Variants in HEATR1 observed in about 807,000 individuals in gnomAD.
The protein encoded by HEATR1 is HEAT repeat-containing protein 1.
A neutral mutation model predicts 248.2 loss-of-function variants in HEATR1; 77 were observed. That is an observed-to-expected ratio of 0.31 (90% CI 0.26 to 0.37). The LOEUF (loss-of-function observed/expected upper bound fraction) is 0.37, where lower values mean the gene tolerates loss of function less well. HEATR1 is among the 10% of genes least tolerant of loss of function. HEATR1 has a pLI of 1.00. For synonymous variants in HEATR1, 897 were observed against 923.1 expected (o/e 0.97, Z 0.51); for missense variants, 2,420 against 2,504.9 (o/e 0.97, Z 0.72).
chr1:236,590,754 A>G, intron 12 of HEATR1, 93 bp downstream of exon 12: 3 of 490,910 alleles, frequency 6.1e-6, no homozygotes, highest in Non-Finnish European at 1.1e-5. Flanking sequence ...CTGTATCATT[A>G]CCCACTTAGG....
intron 31 of HEATR1, among the ~76,000 whole-genome samples, chr1:236,565,227 C>T (rs535473837): frequency 2.0e-5 from 3 of 152,348 alleles, no homozygotes; most frequent in African/African-American, 4.8e-5. Context: ...ACAGTCTCTG[C>T]GGAGCTCTTA....
rs752673708 is a variant in HEATR1 at position 236,559,779 on chromosome 1, C to T, written c.4705G>A (p.Ala1569Thr). The stretch of plus-strand genomic sequence containing the variant: ...CAGAACTTCACGGTGAGTTTGTCTG[C>T]GTTCCTTTCCATGGACTGTGCAACT... ...SAVAQSMERN[A>T]DKLTVKFWRA... Residue 1569 changes from alanine to threonine, a missense_variant, in exon 34 of 45, where the codon GCA becomes ACA. Coordinates refer to ENST00000366582, the MANE Select transcript of HEATR1 (RefSeq NM_018072.6). 19 of 1,614,060 alleles carry T rather than the reference C, an allele frequency of 1.2e-5. No homozygotes were observed. The highest frequency in any genetic ancestry group is 2.2e-5 in the South Asian group (2 of 91,072).
In HEATR1 at chr1:236,566,694, A is replaced by G; in HGVS notation, c.4260T>C (p.Phe1420=). 1.2e-6 allele frequency: 2 copies of G among 1,614,142 alleles called. No homozygotes were observed. The highest frequency in any genetic ancestry group is 1.7e-6 in the Non-Finnish European group (2 of 1,180,012). Reference sequence around the variant, plus strand: ...GCACTGTTTTTGTGACATACTGTTCAAAAAGCAAGATGAGGAGAATCCAGA... The same window carrying G: ...GCACTGTTTTTGTGACATACTGTTCGAAAAGCAAGATGAGGAGAATCCAGA... ...KFLWILLILL[F]EQYVTKTVLA... Residue 1420 remains phenylalanine, a synonymous_variant, in exon 30 of 45, where the codon TTT becomes TTC. Transcript: ENST00000366582.
chr1:236,602,837 T>C (rs921648833), intron 3 of HEATR1: 1 of 208,760 alleles, frequency 4.8e-6, no homozygotes, highest in African/African-American at 2.3e-5. Flanking sequence ...GGTGGGAGAA[T>C]CACTTGAACC....
chr1:236,578,823 G>T (rs1350680166), intron 20 of HEATR1, among the ~76,000 whole-genome samples: 1 of 151,928 alleles, frequency 6.6e-6, no homozygotes, highest in Non-Finnish European at 1.5e-5. Flanking sequence ...GCCCTGCCCA[G>T]TTCAACAACA....
At chr1:236,581,054 A>AAG (rs1663722352) in intron 20 of HEATR1, among the ~76,000 whole-genome samples, 168 bp downstream of exon 20, 1 of 150,796 alleles carries the variant, frequency 6.6e-6, no homozygotes, top group African/African-American at 2.4e-5. Flanking sequence ...TCCTGACCTC[A>AAG]TGATCTGCCT....
chr1:236,567,039 T>C (rs1393505422), intron 29 of HEATR1, among the ~76,000 whole-genome samples, 163 bp from the exon 30 acceptor site: 1 of 152,126 alleles, frequency 6.6e-6, no homozygotes, highest in Non-Finnish European at 1.5e-5. Flanking sequence ...CAGGCTGAAG[T>C]GCAGTGATGT....
intron 35 of HEATR1, 32 bp from the exon 36 acceptor site, chr1:236,558,561 T>TA: frequency 6.4e-7 from 1 of 1,567,430 alleles, no homozygotes; most frequent in South Asian, 1.2e-5. Flanking sequence ...CCCAAATCAT[T>TA]AAAGCTGCAA....
intron 37 of HEATR1, 23 bp from the exon 38 acceptor site, chr1:236,556,281 A>C: frequency 6.2e-7 from 1 of 1,613,294 alleles, no homozygotes; most frequent in Non-Finnish European, 8.5e-7. Context: ...AAAAAAAGTG[A>C]TCAGGGCCAC....
chr1:236,563,383 G>C (rs1026193660), intron 32 of HEATR1, among the ~76,000 whole-genome samples: 1 of 151,878 alleles, frequency 6.6e-6, no homozygotes, highest in African/African-American at 2.4e-5. Context: ...CCGGGTTCAC[G>C]CCATTCTCCT....
chr1:236,557,014 G>A (rs1662996534), intron 37 of HEATR1, among the ~76,000 whole-genome samples, 181 bp downstream of exon 37: 1 of 152,184 alleles, frequency 6.6e-6, no homozygotes, highest in African/African-American at 2.4e-5. Context: ...AAGATTAAGT[G>A]GCAAGGATGA....
At chr1:236,589,011 T>C (rs1663962763) in intron 12 of HEATR1, among the ~76,000 whole-genome samples, 1 of 152,154 alleles carries the variant, frequency 6.6e-6, no homozygotes, top group South Asian at 2.1e-4. Context: ...ATAAAACCTA[T>C]GTCCTGTCAT....
chr1:236,594,201 C>T, intron 8 of HEATR1, 87 bp from the exon 9 acceptor site: 2 of 846,078 alleles, frequency 2.4e-6, no homozygotes, highest in Non-Finnish European at 3.7e-6. Context: ...GAAAATCGTT[C>T]TCAGAATAAA....
At position 236,574,615 on chromosome 1, in the gene HEATR1, A is replaced by C. The variant is rs765193495; in HGVS notation, c.3327+46T>G. ...CTGTTCCTGTTGCCTTCTACCTTTA[A>C]ATGCTTGAACATGCTATGCCTTAGT... On this transcript the variant is annotated intron_variant, in intron 23 of 44. Coordinates refer to ENST00000366582, the MANE Select transcript of HEATR1 (RefSeq NM_018072.6). 24 of 1,566,948 alleles carry C rather than the reference A, an allele frequency of 1.5e-5. No individual in the cohort carries two copies. In the Middle Eastern group the frequency reaches 6.8e-4, roughly 45 times the overall value.
chr1:236,581,800 T>A (rs1462695398), intron 19 of HEATR1, among the ~76,000 whole-genome samples: 5 of 152,218 alleles, frequency 3.3e-5, no homozygotes, highest in African/African-American at 7.2e-5. Context: ...TCACTGGTGC[T>A]GGGGATGAAA....
chr1:236,570,716 C>A (rs1382182499), intron 28 of HEATR1, among the ~76,000 whole-genome samples: 2 of 151,888 alleles, frequency 1.3e-5, no homozygotes, highest in Non-Finnish European at 2.9e-5. Context: ...GGATTATCAA[C>A]CCCTTTGAGA....
chr1:236,592,291 A>C (rs750287291), intron 10 of HEATR1, among the ~76,000 whole-genome samples, 181 bp from the exon 11 acceptor site: 2 of 152,204 alleles, frequency 1.3e-5, no homozygotes, highest in Non-Finnish European at 2.9e-5. Context: ...TGACTACTCC[A>C]ATAACAAAAT....
At position 236,571,731 on chromosome 1, in the gene HEATR1, T is replaced by C. The variant is rs372747434; in HGVS notation, c.3708-45A>G. 6.5e-6 allele frequency: 9 copies of C among 1,390,246 alleles called. No homozygotes were observed. In the African/African-American group the frequency reaches 1.1e-4, roughly 18 times the overall value. 86.1% of individuals were successfully genotyped at this position (1,390,246 alleles called of 1,614,324 possible). The stretch of plus-strand genomic sequence containing the variant: ...GAAATGATGGGAAATGTAAAAGTTG[T>C]ACAATTCATTGTTACATTAATGGCC... On this transcript the variant is annotated intron_variant, in intron 26 of 44. Transcript: ENST00000366582.
intron 33 of HEATR1, among the ~76,000 whole-genome samples, chr1:236,560,897 G>A (rs1189220684): frequency 6.6e-6 from 1 of 152,208 alleles, no homozygotes; most frequent in Admixed American, 6.5e-5. Flanking sequence ...AAAGGAGAGT[G>A]TTGGGATAAT....
Sources: gnomAD v4.1 joint callset for allele counts (sites outside exome capture counted in the v4.1 genomes callset) on GRCh38, gnomAD v4.1.1 for gene constraint, MANE v1.5 for transcripts, NCBI Gene and HGNC (gene_info 2026-07-23, HGNC 2026-07-21) for gene names.